SUCLG2: variants seen among roughly 807,000 people sequenced by gnomAD.
SUCLG2 encodes succinate--CoA ligase [GDP-forming] subunit beta, mitochondrial.
SUCLG2 carries 42 observed loss-of-function variants against 47.9 expected under a neutral mutation model. The ratio of observed to expected loss-of-function variants is 0.88; its 90% CI spans 0.69 to 1.14. The LOEUF is 1.14. Ranked by LOEUF, SUCLG2 falls within the 50% of genes most tolerant of loss-of-function variation. SUCLG2 has a pLI of 0.00. For missense variants in SUCLG2, 571 were observed against 525.9 expected (o/e 1.09, Z -0.84); for synonymous variants, 195 against 197.3 (o/e 0.99, Z 0.10).
Position 67,584,758 on chromosome 3 carries a change from G to A in SUCLG2, c.226+24697C>T, listed in dbSNP as rs568267982. The stretch of plus-strand genomic sequence containing the variant: ...CAGGAAACTTACAATCATGGTAGAA[G>A]AAGAAGCAAACACATCTTTCTTTAC... On this transcript the variant is annotated intron_variant, in intron 2 of 10. Coordinates refer to ENST00000307227, the MANE Select transcript of SUCLG2 (RefSeq NM_003848.4). 2.6e-5 allele frequency among the ~76,000 whole-genome samples: 4 copies of A among 152,280 alleles called. No homozygotes were observed. The South Asian group carries it at 8.3e-4, about 32-fold the overall frequency.
At chr3:67,425,390 A>G (rs1703272176) in intron 9 of SUCLG2, among the ~76,000 whole-genome samples, 1 of 152,130 alleles carries the variant, frequency 6.6e-6, no homozygotes, top group Non-Finnish European at 1.5e-5. Flanking sequence ...TATCTGGTAA[A>G]ACATTATTTC....
downstream of SUCLG2, among the ~76,000 whole-genome samples, chr3:67,370,893 A>G (rs1701943840): frequency 1.3e-5 from 2 of 152,186 alleles, no homozygotes; most frequent in Admixed American, 6.5e-5. Context: ...TTTATTTAAA[A>G]CGATTTATCA....
At chr3:67,646,392 G>C (rs2362453) in intron 1 of SUCLG2, among the ~76,000 whole-genome samples, 56,057 of 152,000 alleles carry the variant, frequency 0.37, 10,714 homozygotes, top group African/African-American at 0.43. Flanking sequence ...GTCAGGAGTT[G>C]AAGACAAGCC....
chr3:67,495,981 C>A, intron 8 of SUCLG2, 41 bp from the exon 9 acceptor site: 6 of 1,612,164 alleles, frequency 3.7e-6, no homozygotes, highest in Non-Finnish European at 5.1e-6. Context: ...CTACATTTAG[C>A]AACATGAAAT....
chr3:67,538,222 A>T (rs1008845702), intron 2 of SUCLG2, among the ~76,000 whole-genome samples: 3 of 151,868 alleles, frequency 2.0e-5, no homozygotes, highest in African/African-American at 7.3e-5. Context: ...TTAAGTCTTT[A>T]CTCCATCTTG....
intron 9 of SUCLG2, among the ~76,000 whole-genome samples, chr3:67,447,273 A>T (rs1414637233): frequency 6.6e-6 from 1 of 152,248 alleles, no homozygotes; most frequent in Non-Finnish European, 1.5e-5. Flanking sequence ...AATTGACTAT[A>T]AAGTTGAACC....
intron 2 of SUCLG2, among the ~76,000 whole-genome samples, chr3:67,576,941 G>T (rs1298235890): frequency 1.3e-5 from 2 of 151,426 alleles, no homozygotes; most frequent in African/African-American, 4.8e-5. Flanking sequence ...TTTACAAAAA[G>T]CCCAAAATGG....
chr3:67,540,363 A>T (rs564912592), intron 2 of SUCLG2, among the ~76,000 whole-genome samples: 1 of 152,074 alleles, frequency 6.6e-6, no homozygotes, highest in South Asian at 2.1e-4. Flanking sequence ...TGGTGGGAGG[A>T]GGGGCATCTG....
chr3:67,528,583 G>A (rs748686558), intron 3 of SUCLG2, among the ~76,000 whole-genome samples: 6 of 152,182 alleles, frequency 3.9e-5, no homozygotes, highest in African/African-American at 9.7e-5. Context: ...AGAGGGAAAG[G>A]AAGAGGGTAA....
At chr3:67,564,762 G>A (rs929889717) in intron 2 of SUCLG2, among the ~76,000 whole-genome samples, 1 of 152,168 alleles carries the variant, frequency 6.6e-6, no homozygotes, top group African/African-American at 2.4e-5. Flanking sequence ...TGTGGCCCAA[G>A]ACAATTCTTC....
At chr3:67,526,753 A>G (rs1363988746) in intron 4 of SUCLG2, among the ~76,000 whole-genome samples, 1 of 152,254 alleles carries the variant, frequency 6.6e-6, no homozygotes, top group Non-Finnish European at 1.5e-5. Flanking sequence ...ATGGCAATGT[A>G]AAATGGAACA....
intron 9 of SUCLG2, among the ~76,000 whole-genome samples, chr3:67,426,320 A>C (rs1454250995): frequency 6.6e-6 from 1 of 152,190 alleles, no homozygotes; most frequent in Non-Finnish European, 1.5e-5. Flanking sequence ...AGTAAAACAG[A>C]CATATAAGAA....
intron 2 of SUCLG2, among the ~76,000 whole-genome samples, chr3:67,565,415 T>C (rs1214433466): frequency 6.6e-6 from 1 of 152,214 alleles, no homozygotes; most frequent in Admixed American, 6.5e-5. Flanking sequence ...ATTTCAGTCT[T>C]ACCCCAACTG....
At chr3:67,560,557 T>A (rs538851103) in intron 2 of SUCLG2, among the ~76,000 whole-genome samples, 72 of 152,312 alleles carry the variant, frequency 4.7e-4, no homozygotes, top group African/African-American at 1.7e-3. Context: ...TAAAGCCTCC[T>A]CACAGCATTG....
intron 6 of SUCLG2, among the ~76,000 whole-genome samples, chr3:67,512,432 T>G (rs981165800): frequency 6.6e-6 from 1 of 151,052 alleles, no homozygotes; most frequent in Non-Finnish European, 1.5e-5. Flanking sequence ...AGGCATCTTA[T>G]GTATCCTGGG....
intron 9 of SUCLG2, among the ~76,000 whole-genome samples, chr3:67,420,549 A>T (rs1703133547): frequency 6.6e-6 from 1 of 152,198 alleles, no homozygotes; most frequent in South Asian, 2.1e-4. Flanking sequence ...GATTTGCAAA[A>T]GTCCATACAC....
intron 2 of SUCLG2, among the ~76,000 whole-genome samples, chr3:67,560,539 A>G (rs533728028): frequency 6.6e-6 from 1 of 152,288 alleles, no homozygotes; most frequent in South Asian, 2.1e-4. Flanking sequence ...CTCAACCAGG[A>G]AGGTAAGTAA....
chr3:67,400,917 T>A (rs1168955156), intron 9 of SUCLG2, 66 bp from the exon 10 acceptor site: 2 of 1,600,788 alleles, frequency 1.2e-6, no homozygotes, highest in African/African-American at 2.7e-5. Flanking sequence ...AAATAACTGG[T>A]TAAATAATAG....
intron 2 of SUCLG2, among the ~76,000 whole-genome samples, chr3:67,537,508 T>C (rs1463285481): frequency 6.6e-6 from 1 of 152,266 alleles, no homozygotes; most frequent in Admixed American, 6.5e-5. Context: ...TTTGCTATTG[T>C]GCACAGTGCC....
Sources: allele counts gnomAD v4.1 joint callset (sites outside exome capture counted in the v4.1 genomes callset), GRCh38; gene constraint gnomAD v4.1.1; transcripts MANE v1.5; gene names NCBI Gene and HGNC (gene_info 2026-07-23, HGNC 2026-07-21).